ALK: variants seen among roughly 807,000 people sequenced by gnomAD.
ALK encodes the protein ALK receptor tyrosine kinase.
In ALK, 74 loss-of-function variants were observed where a neutral mutation model predicts 163.1. The ratio of observed to expected loss-of-function variants is 0.45; its 90% confidence interval spans 0.38 to 0.55. ALK has a LOEUF of 0.55. Ranked by LOEUF, ALK falls within the 20% of genes least tolerant of loss-of-function variation. The pLI is 0.00. For missense variants in ALK, 2,063 were observed against 2,105.3 expected (o/e 0.98, Z 0.39); for synonymous variants, 960 against 843.2 (o/e 1.14, Z -2.40).
At chr2:29,607,665 G>A (rs915924827) in intron 3 of ALK, among the ~76,000 whole-genome samples, 1 of 152,048 alleles carries the variant, frequency 6.6e-6, no homozygotes, top group African/African-American at 2.4e-5. Context: ...CTCTTCTCTT[G>A]GCTTCTGGGA....
chr2:29,662,713 A>T (rs1677386133), intron 3 of ALK, among the ~76,000 whole-genome samples: 1 of 115,412 alleles, frequency 8.7e-6, no homozygotes, highest in African/African-American at 3.1e-5. Flanking sequence ...CTTTCCAGAA[A>T]TATCCTCTCA....
At chr2:29,559,554 G>C (rs921467231) in intron 3 of ALK, among the ~76,000 whole-genome samples, 5 of 152,054 alleles carry the variant, frequency 3.3e-5, no homozygotes, top group Admixed American at 6.5e-5. Flanking sequence ...CTTCATTTTG[G>C]GGGGTATATT....
chr2:29,221,029 C>T (rs201493124), intron 22 of ALK, 194 bp from the exon 23 acceptor site: 8 of 736,730 alleles, frequency 1.1e-5, no homozygotes, highest in Middle Eastern at 2.3e-4. Context: ...GGAAGAACCA[C>T]AGCAGGCTCC....
intron 4 of ALK, among the ~76,000 whole-genome samples, chr2:29,417,186 C>T (rs1411517747): frequency 6.6e-6 from 1 of 151,950 alleles, no homozygotes; most frequent in Non-Finnish European, 1.5e-5. Context: ...AACGGGATTT[C>T]ACCATGTTAG....
At chr2:29,833,416 G>A (rs1170251284) in intron 1 of ALK, among the ~76,000 whole-genome samples, 1 of 152,228 alleles carries the variant, frequency 6.6e-6, no homozygotes, top group African/African-American at 2.4e-5. Context: ...CTTTGGACAC[G>A]ATCATCTCTC....
chr2:29,894,853 A>ACAC (rs1558537562), intron 1 of ALK, among the ~76,000 whole-genome samples: 4 of 33,406 alleles, frequency 1.2e-4, no homozygotes, highest in African/African-American at 1.6e-4. Context: ...CACACACACA[A>ACAC]ACACACACAC....
intron 3 of ALK, among the ~76,000 whole-genome samples, chr2:29,639,150 A>T (rs1164209927): frequency 1.3e-5 from 2 of 152,174 alleles, no homozygotes; most frequent in Non-Finnish European, 2.9e-5. Context: ...ATTTCAGGAC[A>T]GGTTACAGGG....
At chr2:29,695,346 C>A (rs1211104547) in intron 2 of ALK, among the ~76,000 whole-genome samples, 1 of 152,158 alleles carries the variant, frequency 6.6e-6, no homozygotes, top group Non-Finnish European at 1.5e-5. Flanking sequence ...GTGGGCAGAG[C>A]CTTCCCAAGA....
chr2:29,855,682 C>T (rs761504910), intron 1 of ALK, among the ~76,000 whole-genome samples: 20 of 152,128 alleles, frequency 1.3e-4, no homozygotes, highest in Non-Finnish European at 2.5e-4. Flanking sequence ...TTCTATGTCC[C>T]GGTTCTTGTG....
At chr2:29,432,012 G>A (rs1348037503) in intron 4 of ALK, among the ~76,000 whole-genome samples, 3 of 152,020 alleles carry the variant, frequency 2.0e-5, no homozygotes, top group Non-Finnish European at 1.5e-5. Flanking sequence ...GGGCTTGAGG[G>A]AGTGTATCCT....
intron 3 of ALK, among the ~76,000 whole-genome samples, chr2:29,604,250 A>G (rs1264042659): frequency 6.6e-6 from 1 of 151,720 alleles, no homozygotes; most frequent in Non-Finnish European, 1.5e-5. Context: ...CGTGAAATTC[A>G]AATTTCGGTG....
intron 4 of ALK, among the ~76,000 whole-genome samples, chr2:29,512,158 T>C (rs1375028210): frequency 6.6e-6 from 1 of 152,192 alleles, no homozygotes; most frequent in Non-Finnish European, 1.5e-5. Flanking sequence ...AATTTTCTCT[T>C]ATGTTTTATT....
chr2:29,715,917 G>C (rs1372151883), intron 2 of ALK, among the ~76,000 whole-genome samples: 1 of 152,144 alleles, frequency 6.6e-6, no homozygotes, highest in African/African-American at 2.4e-5. Flanking sequence ...AGAATCACAG[G>C]AAACATTCCA....
intron 5 of ALK, among the ~76,000 whole-genome samples, chr2:29,345,826 A>G (rs1157038543): frequency 6.6e-6 from 1 of 152,206 alleles, no homozygotes; most frequent in Non-Finnish European, 1.5e-5. Flanking sequence ...TAAATTAACT[A>G]AAAAGAAAAC....
chr2:29,326,766 A>C (rs1425291797), intron 6 of ALK, among the ~76,000 whole-genome samples: 1 of 152,266 alleles, frequency 6.6e-6, no homozygotes, highest in African/African-American at 2.4e-5. Context: ...TGCTTAATTT[A>C]AATGAGAATA....
At chr2:29,461,195 T>C (rs1039201107) in intron 4 of ALK, among the ~76,000 whole-genome samples, 25 of 152,154 alleles carry the variant, frequency 1.6e-4, no homozygotes, top group Admixed American at 3.3e-4. Flanking sequence ...GAGGTTGGTT[T>C]ATGAGGTTTA....
chr2:29,537,870 A>G (rs1235203209), intron 3 of ALK, among the ~76,000 whole-genome samples: 1 of 152,242 alleles, frequency 6.6e-6, no homozygotes, highest in Non-Finnish European at 1.5e-5. Flanking sequence ...GATGTGGGAC[A>G]TGGTGTCAAA....
rs886773759 is a variant in ALK at position 29,225,209 on chromosome 2, G to C, written c.3172+252C>G. Among the ~76,000 whole-genome samples, 4 of 152,094 alleles carry C rather than the reference G, an allele frequency of 2.6e-5. No individual in the cohort carries two copies. The South Asian group carries it at 8.3e-4, about 32-fold the overall frequency. On this transcript the variant is annotated intron_variant, in intron 19 of 28. Transcript: ENST00000389048. ...ACACTGAAGGAGCTCCCCACCCCCT[G>C]ATCAGCCAGGAGGATACACACGGGG... is the stretch of plus-strand genomic sequence containing the variant.
chr2:29,909,330 A>C (rs1667635332), intron 1 of ALK, among the ~76,000 whole-genome samples: 1 of 152,238 alleles, frequency 6.6e-6, no homozygotes, highest in Admixed American at 6.5e-5. Flanking sequence ...TGACACAGGA[A>C]AGAGAAGGCC....
Sources: allele counts gnomAD v4.1 joint callset (sites outside exome capture counted in the v4.1 genomes callset), GRCh38; gene constraint gnomAD v4.1.1; transcripts MANE v1.5; gene names NCBI Gene and HGNC (gene_info 2026-07-23, HGNC 2026-07-21).